The following PRKN variants were observed in gnomAD, a reference collection of about 807,000 sequenced individuals.
PRKN encodes parkin RBR E3 ubiquitin protein ligase.
Under a neutral mutation model 59.5 loss-of-function variants are expected in PRKN, and 56 were observed. The observed-to-expected ratio is 0.94, with a 90% CI of 0.76 to 1.18. The LOEUF (loss-of-function observed/expected upper bound fraction) is 1.18, where lower values mean the gene tolerates loss of function less well. Ranked by LOEUF, PRKN falls within the 50% of genes most tolerant of loss-of-function variation. The pLI, the probability that PRKN is intolerant of heterozygous loss-of-function variation, is 0.00. For missense variants in PRKN, 657 were observed against 596.4 expected (o/e 1.10, Z -1.06); for synonymous variants, 250 against 222.1 (o/e 1.13, Z -1.12).
In PRKN at chr6:161,467,481, GC is replaced by G. The variant is rs200750865; in HGVS notation, c.1084-80605del. Among the ~76,000 whole-genome samples, 131 of 152,266 alleles carry G rather than the reference GC, an allele frequency of 8.6e-4. 1 individual carries two copies. The East Asian group carries it at 0.023, about 27-fold the overall frequency. ...GAGTAAGATGGGCATTTCTCTGTAAGCATATGGTCCAATGGGGAAGACCTAG... is the reference window on the plus strand; with the variant it reads ...GAGTAAGATGGGCATTTCTCTGTAAGATATGGTCCAATGGGGAAGACCTAG... On this transcript the variant is annotated intron_variant, in intron 9 of 11. Coordinates refer to ENST00000366898, the MANE Select transcript of PRKN (RefSeq NM_004562.3). The surrounding 1 kb of genome is among the most constrained non-coding windows in gnomAD (Gnocchi z 4.3).
rs918420007 is a variant in PRKN at position 161,363,823 on chromosome 6, T to C, written c.1168-3618A>G. ...AGAATGAGCATAAATAAAAACACAG[T>C]AATAAAAAACAGCATTTCCCATCAA... On this transcript the variant is annotated intron_variant, in intron 10 of 11. Coordinates refer to ENST00000366898, the MANE Select transcript of PRKN (RefSeq NM_004562.3). This position sits in a 1 kb window ranked among gnomAD's most constrained non-coding sequence, Gnocchi z 4.1. Among the ~76,000 whole-genome samples the C allele has an allele frequency of 5.9e-5, 9 of 151,960 alleles. No homozygotes were observed. The highest frequency in any genetic ancestry group is 5.9e-4 in the Admixed American group (9 of 15,264).
intron 7 of PRKN, among the ~76,000 whole-genome samples, chr6:161,744,470 C>T (rs927449328): frequency 1.1e-4 from 16 of 152,104 alleles, no homozygotes; most frequent in Admixed American, 3.3e-4. Context: ...TCCTGCTGTG[C>T]GGGCTGGTTC....
At chr6:162,150,420 C>G (rs1437841959) in intron 4 of PRKN, among the ~76,000 whole-genome samples, 2 of 152,182 alleles carry the variant, frequency 1.3e-5, no homozygotes, top group African/African-American at 4.8e-5. Context: ...CAGAATCTTC[C>G]TCTGCTCCCG....
At chr6:162,421,716 A>C (rs1788976869) in intron 2 of PRKN, among the ~76,000 whole-genome samples, 1 of 152,184 alleles carries the variant, frequency 6.6e-6, no homozygotes, top group Admixed American at 6.5e-5. Context: ...GCAACAGTCT[A>C]CTGCAAACAA....
At chr6:162,494,401 T>C (rs1388309190) in intron 1 of PRKN, among the ~76,000 whole-genome samples, 1 of 152,238 alleles carries the variant, frequency 6.6e-6, no homozygotes, top group East Asian at 1.9e-4. Flanking sequence ...GCAACAACAG[T>C]GACACAAGTT....
At chr6:161,715,236 C>A (rs1046874673) in intron 7 of PRKN, among the ~76,000 whole-genome samples, 2 of 152,098 alleles carry the variant, frequency 1.3e-5, no homozygotes, top group African/African-American at 4.8e-5. Flanking sequence ...AACACAGAAC[C>A]CAATGTAGCA....
chr6:161,957,436 G>GTTTTT lies in PRKN; in HGVS notation c.734+15861_734+15865dup, dbSNP rs10682757. 7.2e-3 allele frequency among the ~76,000 whole-genome samples: 835 copies of GTTTTT among 116,698 alleles called. 17 individuals carry two copies. The highest frequency in any genetic ancestry group is 0.024 in the African/African-American group (807 of 33,096). 76.6% of individuals were successfully genotyped at this position (116,698 alleles called of 152,430 possible). The stretch of plus-strand genomic sequence containing the variant: ...TTTTTTTTTGTTTGTTTGTTTGTTT[G>GTTTTT]TTTTTTTGAGCCAGAGTCTCACTCT... On this transcript the variant is annotated intron_variant, in intron 6 of 11. Coordinates refer to ENST00000366898, the MANE Select transcript of PRKN (RefSeq NM_004562.3).
intron 3 of PRKN, among the ~76,000 whole-genome samples, chr6:162,232,015 C>G (rs1778443584): frequency 6.6e-6 from 1 of 152,108 alleles, no homozygotes; most frequent in South Asian, 2.1e-4. Flanking sequence ...GTGACCACTT[C>G]CATACCCCTT....
At chr6:161,873,250 C>A (rs551675649) in intron 6 of PRKN, among the ~76,000 whole-genome samples, 1 of 151,904 alleles carries the variant, frequency 6.6e-6, no homozygotes, top group African/African-American at 2.4e-5. Context: ...CTGCCTCTCC[C>A]GGTCCTTCCC....
chr6:161,612,792 G>C (rs1782535803), intron 7 of PRKN, among the ~76,000 whole-genome samples: 1 of 151,254 alleles, frequency 6.6e-6, no homozygotes, highest in South Asian at 2.1e-4. Context: ...GGCAAAGACA[G>C]GATGAGAGCA....
intron 1 of PRKN, among the ~76,000 whole-genome samples, chr6:162,501,013 A>G (rs1283293346): frequency 1.3e-5 from 2 of 152,120 alleles, no homozygotes; most frequent in Admixed American, 1.3e-4. Flanking sequence ...AAAAAATTTG[A>G]AAAACTAGCC....
chr6:162,677,063 C>CA (rs536705591), intron 1 of PRKN, among the ~76,000 whole-genome samples: 1,151 of 90,278 alleles, frequency 0.013, 18 homozygotes, highest in African/African-American at 0.024. Flanking sequence ...ACATCTCAAT[C>CA]AAAAAAAAAA....
intron 2 of PRKN, among the ~76,000 whole-genome samples, chr6:162,326,853 A>C (rs1175697324): frequency 6.6e-6 from 1 of 152,186 alleles, no homozygotes; most frequent in East Asian, 1.9e-4. Context: ...ACAACAACTG[A>C]CAATGAATAT....
At chr6:162,142,138 A>C (rs561683297) in intron 4 of PRKN, among the ~76,000 whole-genome samples, 1 of 152,332 alleles carries the variant, frequency 6.6e-6, no homozygotes, top group South Asian at 2.1e-4. Flanking sequence ...AAGGCAGGAG[A>C]GAAGGAGAGT....
At chr6:162,159,097 G>A (rs1765471751) in intron 4 of PRKN, among the ~76,000 whole-genome samples, 1 of 151,954 alleles carries the variant, frequency 6.6e-6, no homozygotes, top group South Asian at 2.1e-4. Flanking sequence ...CTCTGGACCA[G>A]GCTCTGTGTC....
Position 162,021,119 on chromosome 6 carries a change from CATATATATATATATATATAT to C in PRKN, c.618+32952_618+32971del, listed in dbSNP as rs869269519. Among the ~76,000 whole-genome samples, 433 of 46,566 alleles carry C rather than the reference CATATATATATATATATATAT, an allele frequency of 9.3e-3. 46 individuals are homozygous for C. Among genetic ancestry groups the C allele is most frequent in the African/African-American group, 0.014 (236 of 16,924 alleles). The allele number at this position is 46,566 out of a possible 152,430, so 30.5% of individuals were successfully genotyped here. ...CTCTGTCTCAAAAAAAAAACAAAAACATATATATATATATATATATATATATATATATATATATATATATA... is the reference window on the plus strand; with the variant it reads ...CTCTGTCTCAAAAAAAAAACAAAAACATATATATATATATATATATATATA... On this transcript the variant is annotated intron_variant, in intron 5 of 11. Coordinates refer to ENST00000366898, the MANE Select transcript of PRKN (RefSeq NM_004562.3).
chr6:161,671,371 A>T (rs1036066625), intron 7 of PRKN, among the ~76,000 whole-genome samples: 1 of 151,642 alleles, frequency 6.6e-6, no homozygotes, highest in African/African-American at 2.4e-5. Context: ...ACGGGCTCAG[A>T]CCCCCCACTG....
intron 9 of PRKN, among the ~76,000 whole-genome samples, chr6:161,420,530 T>C (rs1011970042): frequency 6.6e-6 from 1 of 152,084 alleles, no homozygotes; most frequent in Non-Finnish European, 1.5e-5. Context: ...TTATTTATTT[T>C]TGAGACAGGA....
At chr6:161,913,037 G>T (rs529684334) in intron 6 of PRKN, among the ~76,000 whole-genome samples, 93 of 151,992 alleles carry the variant, frequency 6.1e-4, no homozygotes, top group African/African-American at 2.2e-3. Context: ...AATTAGCCTG[G>T]CATGGTAGCA....
Sources: gnomAD v4.1 joint callset for allele counts (sites outside exome capture counted in the v4.1 genomes callset) on GRCh38, gnomAD v4.1.1 for gene constraint, Gnocchi (gnomAD v3.1) non-coding constraint, MANE v1.5 for transcripts, NCBI Gene and HGNC (gene_info 2026-07-23, HGNC 2026-07-21) for gene names.